The following TTC3 variants were observed in gnomAD, a reference collection of about 807,000 sequenced individuals.
TTC3 encodes tetratricopeptide repeat domain 3.
In TTC3, 180 loss-of-function variants were observed where a neutral mutation model predicts 249.6. That is an observed-to-expected ratio of 0.72 (90% confidence interval 0.64 to 0.82). TTC3 has a LOEUF of 0.82. Ranked by LOEUF, TTC3 falls within the 40% of genes least tolerant of loss-of-function variation. The probability of loss-of-function intolerance (pLI) is 0.00; values close to 1 mark genes in which losing one functional copy is unlikely to be tolerated. For missense variants in TTC3, 2,061 were observed against 2,398.4 expected, an observed-to-expected ratio of 0.86 and a Z score of 2.94; for synonymous variants, 717 against 805.0, an observed-to-expected ratio of 0.89 and a Z score of 1.85.
At chr21:37,128,633 G>A (rs2077223091) in intron 15 of TTC3, among the ~76,000 whole-genome samples, 1 of 152,082 alleles carries the variant, frequency 6.6e-6, no homozygotes, top group South Asian at 2.1e-4. Flanking sequence ...CAATTTATAT[G>A]TCAATAACAA....
chr21:37,157,434 T>C (rs1312198450), intron 28 of TTC3, among the ~76,000 whole-genome samples: 3 of 152,202 alleles, frequency 2.0e-5, no homozygotes, highest in Non-Finnish European at 4.4e-5. Context: ...TCAGAAATGC[T>C]TACACTTGTC....
intron 29 of TTC3, 150 bp from the exon 30 acceptor site, chr21:37,160,652 T>C: frequency 1.4e-6 from 1 of 723,542 alleles, no homozygotes; most frequent in African/African-American, 1.8e-5. Context: ...ATCGTAGCAC[T>C]TGGGCTGATA....
intron 21 of TTC3, among the ~76,000 whole-genome samples, chr21:37,146,405 G>A (rs1221055678): frequency 1.3e-5 from 2 of 152,158 alleles, no homozygotes; most frequent in Non-Finnish European, 2.9e-5. Flanking sequence ...TGTAGTCCCA[G>A]CTACTCAGGA....
At chr21:37,126,627 A>G (rs1217357906) in intron 15 of TTC3, among the ~76,000 whole-genome samples, 6 of 152,234 alleles carry the variant, frequency 3.9e-5, no homozygotes, top group Non-Finnish European at 8.8e-5. Flanking sequence ...GATATCACCC[A>G]TATTGAGAAC....
At chr21:37,166,364 T>C (rs761745574) in exon 33 of TTC3, 12 of 1,614,082 alleles carry the variant, frequency 7.4e-6, no homozygotes, top group Non-Finnish European at 1.0e-5. Flanking sequence ...TGCTGCTGCC[T>C]ATTTTGAGGG....
exon 42 of TTC3, chr21:37,196,032 A>C (rs750552963): frequency 1.2e-6 from 2 of 1,613,730 alleles, no homozygotes; most frequent in Non-Finnish European, 1.7e-6. Context: ...CCCATGTTAC[A>C]ACAGGTATGA....
intron 41 of TTC3, among the ~76,000 whole-genome samples, chr21:37,192,524 T>TGTGTGTGTGTGTGTGTGTGTGG (rs1555916803): frequency 6.7e-6 from 1 of 148,594 alleles, no homozygotes; most frequent in African/African-American, 2.5e-5. Flanking sequence ...TGTGTGTGTG[T>TGTGTGTGTGTGTGTGTGTGTGG]TGTATATGTA....
At chr21:37,152,276 T>C (rs1332716892) in intron 26 of TTC3, among the ~76,000 whole-genome samples, 3 of 152,142 alleles carry the variant, frequency 2.0e-5, no homozygotes, top group Admixed American at 6.5e-5. Context: ...TAACTTTCTG[T>C]GCTTAATGAC....
chr21:37,167,549 C>A lies in TTC3; in HGVS notation c.4402-6C>A, dbSNP rs752800166. The A allele has an allele frequency of 1.9e-5, 30 of 1,603,976 alleles. No individual in the cohort carries two copies. The highest frequency in any genetic ancestry group is 2.6e-5 in the Non-Finnish European group (30 of 1,174,244). On this transcript the variant is annotated splice_region_variant and splice_polypyrimidine_tract_variant and intron_variant, in intron 33 of 45. Coordinates refer to ENST00000355666, the Ensembl canonical transcript of TTC3. ...AAGTGAATTTTATTTTTTGTTTTGC[C>A]CACAGGTATCTTGGAACATAATACA...
chr21:37,075,369 A>G (rs117670674), intron 1 of TTC3, among the ~76,000 whole-genome samples: 2,062 of 152,346 alleles, frequency 0.014, 20 homozygotes, highest in Non-Finnish European at 0.021. Flanking sequence ...TGCAATAAAT[A>G]TCTTTGTACT....
At chr21:37,090,329 G>C in intron 6 of TTC3, 43 bp downstream of exon 6, 1 of 1,514,768 alleles carries the variant, frequency 6.6e-7, no homozygotes, top group East Asian at 2.3e-5. Flanking sequence ...CTGTGGATGA[G>C]TGGCAGTCAT....
intron 18 of TTC3, among the ~76,000 whole-genome samples, chr21:37,138,100 G>C (rs984168791): frequency 3.9e-5 from 6 of 152,154 alleles, no homozygotes; most frequent in African/African-American, 1.4e-4. Context: ...AGCATTTGTA[G>C]CAATAAAGTC....
At chr21:37,094,455 A>G (rs1468844197) in intron 8 of TTC3, among the ~76,000 whole-genome samples, 3 of 152,210 alleles carry the variant, frequency 2.0e-5, no homozygotes, top group East Asian at 3.8e-4. Context: ...AATGCTGTTG[A>G]TATGATGTGA....
chr21:37,167,684 G>T, intron 34 of TTC3, 64 bp downstream of exon 34: 1 of 1,282,398 alleles, frequency 7.8e-7, no homozygotes, highest in South Asian at 1.3e-5. Flanking sequence ...TAGATGGAAT[G>T]ATGAACTAGA....
intron 14 of TTC3, among the ~76,000 whole-genome samples, chr21:37,124,956 T>C (rs1466126763): frequency 1.3e-5 from 2 of 152,234 alleles, no homozygotes; most frequent in African/African-American, 4.8e-5. Context: ...TCTTTTGAAA[T>C]CACATTTATG....
At chr21:37,114,282 C>T (rs2075933395) in intron 11 of TTC3, among the ~76,000 whole-genome samples, 1 of 151,962 alleles carries the variant, frequency 6.6e-6, no homozygotes, top group South Asian at 2.1e-4. Flanking sequence ...TTTTTGCAAC[C>T]TACTCATCTG....
Position 37,172,509 on chromosome 21 carries a change from G to A in TTC3, c.4468-86G>A, listed in dbSNP as rs1408495115. 2.8e-6 allele frequency: 4 copies of A among 1,406,082 alleles called. No homozygotes were observed. In the East Asian group the frequency reaches 1.0e-4, roughly 35 times the overall value. 87.1% of individuals were successfully genotyped at this position (1,406,082 alleles called of 1,614,324 possible). A position where few individuals can be genotyped will look rare whatever the true frequency, so the allele number is the denominator to read the frequency against. ...TTTCATCTGCTTTTTACTCTCCTTTGTTTATTTTAAGAAACAGTAAAGAAC... is the reference window on the plus strand; with the variant it reads ...TTTCATCTGCTTTTTACTCTCCTTTATTTATTTTAAGAAACAGTAAAGAAC... On this transcript the variant is annotated intron_variant, in intron 34 of 45. Transcript: ENST00000355666.
intron 6 of TTC3, chr21:37,090,530 T>C (rs940665918): frequency 2.2e-6 from 2 of 928,304 alleles, no homozygotes; most frequent in African/African-American, 3.6e-5. Flanking sequence ...GTTGATTCTT[T>C]TTCTCTTTTA....
At chr21:37,177,316 C>A (rs571195637) in intron 35 of TTC3, among the ~76,000 whole-genome samples, 1 of 152,260 alleles carries the variant, frequency 6.6e-6, no homozygotes, top group African/African-American at 2.4e-5. Flanking sequence ...CAGACCCCAC[C>A]GGCAAAAGCA....
Sources: allele counts gnomAD v4.1 joint callset (sites outside exome capture counted in the v4.1 genomes callset), GRCh38; gene constraint gnomAD v4.1.1; transcripts MANE v1.5; gene names NCBI Gene and HGNC (gene_info 2026-07-23, HGNC 2026-07-21).